The following NRG3 variants were observed in gnomAD, a reference collection of about 807,000 sequenced individuals.
The protein encoded by NRG3 is neuregulin 3, also known as pro-neuregulin-3, membrane-bound isoform.
Under a neutral mutation model 66.9 loss-of-function variants are expected in NRG3, and 31 were observed. That is an observed-to-expected ratio of 0.46 (90% CI 0.35 to 0.63). NRG3 has a LOEUF of 0.63. Ranked by LOEUF, NRG3 falls within the 20% of genes least tolerant of loss-of-function variation. The pLI is 0.00. For missense variants in NRG3, 910 were observed against 878.9 expected, an observed-to-expected ratio of 1.04 and a Z score of -0.45; for synonymous variants, 393 against 359.4, an observed-to-expected ratio of 1.09 and a Z score of -1.06.
chr10:82,179,294 T>C (rs2073253347), intron 1 of NRG3, among the ~76,000 whole-genome samples: 2 of 152,054 alleles, frequency 1.3e-5, no homozygotes, highest in South Asian at 4.1e-4. Context: ...GTCTATTCTT[T>C]CGCTGTCATA....
At chr10:82,202,204 C>T (rs2074866359) in intron 1 of NRG3, among the ~76,000 whole-genome samples, 1 of 152,154 alleles carries the variant, frequency 6.6e-6, no homozygotes, top group Non-Finnish European at 1.5e-5. Flanking sequence ...CACTAAGCCC[C>T]CTGACTCACA....
intron 1 of NRG3, among the ~76,000 whole-genome samples, chr10:82,226,998 G>A (rs1011111170): frequency 6.6e-6 from 1 of 152,146 alleles, no homozygotes; most frequent in Non-Finnish European, 1.5e-5. Flanking sequence ...TTCTGTATAT[G>A]TGCTATAACA....
intron 2 of NRG3, among the ~76,000 whole-genome samples, chr10:82,599,879 G>T (rs2047512534): frequency 6.6e-6 from 1 of 152,068 alleles, no homozygotes; most frequent in South Asian, 2.1e-4. Flanking sequence ...ATCCAAACCA[G>T]AAATGACATG....
intron 1 of NRG3, among the ~76,000 whole-genome samples, chr10:82,132,619 T>G (rs1025617695): frequency 6.7e-6 from 1 of 148,186 alleles, no homozygotes; most frequent in African/African-American, 2.5e-5. Flanking sequence ...CCTCCTCCTC[T>G]AATTTTTGGA....
At chr10:82,540,217 T>C (rs1003387785) in intron 2 of NRG3, among the ~76,000 whole-genome samples, 1 of 151,942 alleles carries the variant, frequency 6.6e-6, no homozygotes, top group Non-Finnish European at 1.5e-5. Flanking sequence ...GTTATCCCAG[T>C]TATCCATGGG....
chr10:82,128,827 G>T (rs1373106252), intron 1 of NRG3, among the ~76,000 whole-genome samples: 1 of 151,880 alleles, frequency 6.6e-6, no homozygotes, highest in East Asian at 1.9e-4. Context: ...TTTACAATTA[G>T]GGACTGGAAC....
At chr10:82,372,748 C>A (rs1484581006) in intron 2 of NRG3, among the ~76,000 whole-genome samples, 1 of 152,258 alleles carries the variant, frequency 6.6e-6, no homozygotes, top group Admixed American at 6.5e-5. Context: ...CATGCACCAC[C>A]ATGCTCAGCT....
At chr10:82,310,386 C>A (rs978078405) in intron 1 of NRG3, among the ~76,000 whole-genome samples, 18 of 152,074 alleles carry the variant, frequency 1.2e-4, no homozygotes, top group Non-Finnish European at 2.1e-4. Flanking sequence ...ATAACGAATA[C>A]CCCTAAAATG....
At chr10:82,785,260 C>A (rs542221328) in intron 3 of NRG3, among the ~76,000 whole-genome samples, 1 of 151,382 alleles carries the variant, frequency 6.6e-6, no homozygotes, top group Non-Finnish European at 1.5e-5. Flanking sequence ...TGCTAAATGA[C>A]GAGTTAATGG....
intron 1 of NRG3, among the ~76,000 whole-genome samples, chr10:82,346,674 G>A (rs372280415): frequency 4.0e-5 from 6 of 150,492 alleles, no homozygotes; most frequent in South Asian, 2.1e-4. Context: ...GGTAGAATTC[G>A]GCTGTGAATC....
chr10:82,860,997 A>C (rs1223822779), intron 3 of NRG3, among the ~76,000 whole-genome samples: 1 of 152,226 alleles, frequency 6.6e-6, no homozygotes, highest in African/African-American at 2.4e-5. Flanking sequence ...TGTATGACTC[A>C]AATGACAAAA....
intron 1 of NRG3, among the ~76,000 whole-genome samples, chr10:82,032,626 G>A (rs2062623330): frequency 6.6e-6 from 1 of 151,830 alleles, no homozygotes; most frequent in Admixed American, 6.6e-5. Flanking sequence ...ATTTGACACT[G>A]GAAATTCTTT....
chr10:82,482,979 T>A (rs1446797270), intron 2 of NRG3, among the ~76,000 whole-genome samples: 1 of 152,120 alleles, frequency 6.6e-6, no homozygotes, highest in African/African-American at 2.4e-5. Flanking sequence ...CCAGCACAGA[T>A]CCTACAATCT....
chr10:82,821,942 C>G (rs1591629234), intron 3 of NRG3, among the ~76,000 whole-genome samples: 1 of 152,236 alleles, frequency 6.6e-6, no homozygotes, highest in East Asian at 1.9e-4. Context: ...TCCCTCCTTC[C>G]CTGCTACCCT....
At chr10:82,299,541 C>T (rs574498786) in intron 1 of NRG3, among the ~76,000 whole-genome samples, 2 of 124,074 alleles carry the variant, frequency 1.6e-5, no homozygotes, top group Non-Finnish European at 3.1e-5. Flanking sequence ...GGGCTCCAAT[C>T]CAGCCCTGTT....
chr10:82,730,716 C>A (rs1218662746), intron 2 of NRG3, among the ~76,000 whole-genome samples: 1 of 152,058 alleles, frequency 6.6e-6, no homozygotes, highest in Non-Finnish European at 1.5e-5. Context: ...TAATTAAATT[C>A]TCAATTCAGC....
intron 2 of NRG3, among the ~76,000 whole-genome samples, chr10:82,393,357 G>A (rs2086513374): frequency 6.6e-6 from 1 of 152,136 alleles, no homozygotes; most frequent in Non-Finnish European, 1.5e-5. Flanking sequence ...TCCGTAATTT[G>A]CATGGGGTCC....
chr10:82,445,628 C>T (rs1177251804), intron 2 of NRG3, among the ~76,000 whole-genome samples: 1 of 152,056 alleles, frequency 6.6e-6, no homozygotes, highest in Non-Finnish European at 1.5e-5. Context: ...TTGGATTTTC[C>T]TCTCCTCTCC....
chr10:82,824,881 T>C (rs2062126247), intron 3 of NRG3, among the ~76,000 whole-genome samples: 1 of 152,040 alleles, frequency 6.6e-6, no homozygotes, highest in African/African-American at 2.4e-5. Flanking sequence ...CATGCCCAGC[T>C]AACTTATTTG....
Sources: allele counts gnomAD v4.1 joint callset (sites outside exome capture counted in the v4.1 genomes callset), GRCh38; gene constraint gnomAD v4.1.1; transcripts MANE v1.5; gene names NCBI Gene and HGNC (gene_info 2026-07-23, HGNC 2026-07-21).